CIITA: variants seen among roughly 807,000 people sequenced by gnomAD.
CIITA encodes MHC class II transactivator.
Under a neutral mutation model 115.1 loss-of-function variants are expected in CIITA, and 72 were observed. The ratio of observed to expected loss-of-function variants is 0.63; its 90% CI spans 0.52 to 0.76. The LOEUF is 0.76. CIITA is among the 30% of genes least tolerant of loss of function. The pLI, the probability that CIITA is intolerant of heterozygous loss-of-function variation, is 0.00. For synonymous variants in CIITA, 763 were observed against 635.6 expected (o/e 1.20, Z -3.02); for missense variants, 1,617 against 1,463.8 (o/e 1.10, Z -1.71).
chr16:10,934,851 C>G lies in CIITA; in HGVS notation c.*10996C>G, dbSNP rs2145394496. ...TGAGGGCACCAGCACCATCTGGGGACTCGCTGGGTACCAATTATCACCGCC... is the reference window on the plus strand; with the variant it reads ...TGAGGGCACCAGCACCATCTGGGGAGTCGCTGGGTACCAATTATCACCGCC... On this transcript the variant is annotated 3_prime_UTR_variant, in exon 20 of 20. Transcript: ENST00000324288. The surrounding 1 kb of genome is among the most constrained non-coding windows in gnomAD (Gnocchi z 4.2). The G allele has an allele frequency of 6.6e-6, 1 of 152,382 alleles. No homozygotes were observed. Among genetic ancestry groups the G allele is most frequent in the East Asian group, 1.9e-4 (1 of 5,188 alleles). 9.4% of individuals were successfully genotyped at this position (152,382 alleles called of 1,614,324 possible). A position where few individuals can be genotyped will look rare whatever the true frequency, so the allele number is the denominator to read the frequency against.
chr16:10,884,398 C>T (rs1274536374), intron 1 of CIITA, among the ~76,000 whole-genome samples: 4 of 152,112 alleles, frequency 2.6e-5, no homozygotes, highest in Non-Finnish European at 5.9e-5. Context: ...GGGAGCTTAC[C>T]ATTCTTTCAT....
chr16:10,911,224 TTTTC>T (rs765172826), intron 13 of CIITA, among the ~76,000 whole-genome samples: 164 of 152,018 alleles, frequency 1.1e-3, no homozygotes, highest in Non-Finnish European at 1.6e-3. Context: ...CTCTCTTTCT[TTTTC>T]TTTCTTTCTT....
chr16:10,867,795 G>C lies in CIITA; in HGVS notation c.-21+1476G>C, dbSNP rs543344503. Among the ~76,000 whole-genome samples the C allele has an allele frequency of 1.6e-3, 239 of 152,158 alleles. 1 individual carries two copies. The highest frequency in any genetic ancestry group is 5.2e-3 in the African/African-American group (217 of 41,490). On this transcript the variant is annotated intron_variant, in intron 1 of 5. Transcript: ENST00000636238. ...TTTTTGAGACGGGGTCTGTTCTCTT[G>C]CCCAGGCTGGAGTGTAGTCGCATGA...
At position 10,907,089 on chromosome 16, in the gene CIITA, T is replaced by C; in HGVS notation, c.1597T>C (p.Phe533Leu). The C allele has an allele frequency of 1.2e-6, 2 of 1,608,804 alleles. No individual in the cohort carries two copies. The highest frequency in any genetic ancestry group is 1.7e-4 in the Middle Eastern group (1 of 6,060). Residue 533 changes from phenylalanine to leucine, a missense_variant, in exon 11 of 20, where the codon TTC (phenylalanine) becomes CTC (leucine). By Grantham distance (22) the Phe-to-Leu change is conservative (BLOSUM62 0). Coordinates refer to ENST00000324288, the MANE Select transcript of CIITA (RefSeq NM_000246.4). The surrounding 1 kb of genome is among the most constrained non-coding windows in gnomAD (Gnocchi z 5.0). ...CSLRGLLAGL[F>L]QKKLLRGCTL... ...CCTCCGGGGGCTGCTGGCCGGCCTT[T>C]TCCAGAAGAAGCTGCTCCGAGGTTG...
chr16:10,899,872 G>T (rs2038532030), intron 5 of CIITA, among the ~76,000 whole-genome samples: 1 of 152,172 alleles, frequency 6.6e-6, no homozygotes, highest in Non-Finnish European at 1.5e-5. Flanking sequence ...TTGAGGTCAG[G>T]AGTTTGATAC....
At chr16:10,875,093 C>T (rs1475256846), upstream of CIITA, among the ~76,000 whole-genome samples, 1 of 152,006 alleles carries the variant, frequency 6.6e-6, no homozygotes, top group Admixed American at 6.5e-5. Flanking sequence ...CTCAGTCTCC[C>T]GAGTAGCACA....
At chr16:10,911,591 G>A (rs1269749862) in intron 13 of CIITA, among the ~76,000 whole-genome samples, 3 of 146,092 alleles carry the variant, frequency 2.1e-5, no homozygotes, top group Non-Finnish European at 1.5e-5. Context: ...GTCTTACTCT[G>A]TCCCTCAGGC....
At chr16:10,894,553 G>A (rs748259722) in intron 1 of CIITA, among the ~76,000 whole-genome samples, 3 of 152,224 alleles carry the variant, frequency 2.0e-5, no homozygotes, top group Non-Finnish European at 2.9e-5. Flanking sequence ...TAATGATCAT[G>A]TCAGGATATT....
At chr16:10,909,974 A>AT (rs2039445771) in intron 12 of CIITA, among the ~76,000 whole-genome samples, 1 of 152,098 alleles carries the variant, frequency 6.6e-6, no homozygotes, top group Non-Finnish European at 1.5e-5. Flanking sequence ...GCCTCAAGCA[A>AT]TCCTCCTGCC....
Position 10,895,720 on chromosome 16 carries a change from A to T in CIITA, c.251A>T (p.Asp84Val). 1 of 1,614,202 alleles carries T rather than the reference A, an allele frequency of 6.2e-7. No homozygotes were observed. Among genetic ancestry groups the T allele is most frequent in the Non-Finnish European group, 8.5e-7 (1 of 1,180,032 alleles). ...NCDQFSRLLC[D>V]MEGDEETREA... ...GACCAGTTCAGCAGGCTGTTGTGTG[A>T]CATGGAAGGTGATGAAGAGACCAGG... The change falls in exon 3 of 20, where the codon GAC (aspartate) becomes GTC (valine). Residue 84 changes from aspartate (D) to valine (V), a missense_variant. Physicochemically the swap from Asp to Val is radical, Grantham distance 152 (BLOSUM62 -3). Coordinates refer to ENST00000324288, the MANE Select transcript of CIITA (RefSeq NM_000246.4).
chr16:10,887,326 G>T (rs1409732835), intron 1 of CIITA, among the ~76,000 whole-genome samples: 1 of 152,114 alleles, frequency 6.6e-6, no homozygotes, highest in Non-Finnish European at 1.5e-5. Flanking sequence ...AATTGAAGGG[G>T]CTCCAACACT....
Position 10,907,804 on chromosome 16 carries a change from G to C in CIITA, c.2312G>C (p.Gly771Ala). ...LIFQPPARCL[G>A]ALLGPSAAAS... Reference sequence around the variant, plus strand: ...TTCCAGCCTCCCGCCCGCTGCCTGGGAGCCCTACTCGGGCCATCGGCGGCT... The same window carrying C: ...TTCCAGCCTCCCGCCCGCTGCCTGGCAGCCCTACTCGGGCCATCGGCGGCT... Residue 771 changes from glycine to alanine, a missense_variant, in exon 11 of 20, where the codon GGA becomes GCA. Coordinates refer to ENST00000324288, the MANE Select transcript of CIITA (RefSeq NM_000246.4). This position sits in a 1 kb window ranked among gnomAD's most constrained non-coding sequence, Gnocchi z 5.0. The C allele has an allele frequency of 6.2e-7, 1 of 1,614,138 alleles. No individual in the cohort carries two copies. Among genetic ancestry groups the C allele is most frequent in the Admixed American group, 1.7e-5 (1 of 60,030 alleles).
chr16:10,896,067 C>A (rs1199745299), intron 3 of CIITA, among the ~76,000 whole-genome samples: 1 of 152,082 alleles, frequency 6.6e-6, no homozygotes, highest in African/African-American at 2.4e-5. Context: ...ATCCTTTCTA[C>A]AAAGCCCATA....
chr16:10,918,378 T>G, intron 15 of CIITA, 62 bp from the exon 16 acceptor site: 1 of 1,411,222 alleles, frequency 7.1e-7, no homozygotes, highest in Non-Finnish European at 1.0e-6. Flanking sequence ...GAACTCTCCT[T>G]GAGGTCAAAG....
At chr16:10,896,486 G>A (rs1290139615) in intron 3 of CIITA, among the ~76,000 whole-genome samples, 3 of 152,236 alleles carry the variant, frequency 2.0e-5, no homozygotes, top group Non-Finnish European at 2.9e-5. Context: ...CTTGGGGAGA[G>A]GTGGTGGTGG....
At chr16:10,886,610 A>G (rs1369370646) in intron 1 of CIITA, among the ~76,000 whole-genome samples, 1 of 152,190 alleles carries the variant, frequency 6.6e-6, no homozygotes, top group Non-Finnish European at 1.5e-5. Context: ...CGTGTAACCA[A>G]CACTTGGCAT....
chr16:10,911,109 T>A (rs751707403), intron 13 of CIITA, among the ~76,000 whole-genome samples: 8 of 152,136 alleles, frequency 5.3e-5, no homozygotes, highest in Non-Finnish European at 1.0e-4. Flanking sequence ...TGTGTCTGGG[T>A]CACTGAGGAG....
upstream of CIITA, among the ~76,000 whole-genome samples, chr16:10,875,703 A>C (rs1418215130): frequency 6.6e-6 from 1 of 151,772 alleles, no homozygotes; most frequent in African/African-American, 2.4e-5. Context: ...GCAGGATCTC[A>C]CTCTGTTGCC....
At position 10,924,312 on chromosome 16, in the gene CIITA, C is replaced by A. The variant is rs983407052; in HGVS notation, c.*457C>A. 1.3e-5 allele frequency: 2 copies of A among 152,348 alleles called. No individual in the cohort carries two copies. The highest frequency in any genetic ancestry group is 2.9e-5 in the Non-Finnish European group (2 of 68,150). 9.4% of individuals were successfully genotyped at this position (152,348 alleles called of 1,614,324 possible). ...GCAGTGGTGCGATCTGGGTTCACTG[C>A]AACCTCCGCCTCTTGGGTTCAAGCG... is the stretch of plus-strand genomic sequence containing the variant. On this transcript the variant is annotated 3_prime_UTR_variant, in exon 20 of 20. Transcript: ENST00000324288.
Sources: allele counts gnomAD v4.1 joint callset (sites outside exome capture counted in the v4.1 genomes callset), GRCh38; gene constraint gnomAD v4.1.1; non-coding constraint Gnocchi (gnomAD v3.1); transcripts MANE v1.5; gene names NCBI Gene and HGNC (gene_info 2026-07-23, HGNC 2026-07-21).